Variants in TMED6 observed in about 807,000 individuals in gnomAD.
TMED6 encodes transmembrane emp24 domain-containing protein 6.
Under a neutral mutation model 26.5 loss-of-function variants are expected in TMED6, and 17 were observed. The ratio of observed to expected loss-of-function variants is 0.64; its 90% confidence interval spans 0.44 to 0.96. TMED6 has a LOEUF of 0.96. TMED6 is among the 40% of genes least tolerant of loss of function. The pLI, the probability that TMED6 is intolerant of heterozygous loss-of-function variation, is 0.00. For missense variants in TMED6, 309 were observed against 296.5 expected, an observed-to-expected ratio of 1.04 and a Z score of -0.31; for synonymous variants, 107 against 106.2, an observed-to-expected ratio of 1.01 and a Z score of -0.04.
intron 3 of TMED6, 113 bp downstream of exon 3, chr16:69,347,675 A>T (rs1403904209): frequency 1.4e-6 from 2 of 1,453,060 alleles, no homozygotes; most frequent in Non-Finnish European, 9.4e-7. Context: ...ATAATTTATG[A>T]AGAAATTCAC....
At chr16:69,345,897 G>C (rs2012678758) in intron 3 of TMED6, among the ~76,000 whole-genome samples, 1 of 152,008 alleles carries the variant, frequency 6.6e-6, no homozygotes, top group South Asian at 2.1e-4. Context: ...TCCCAGGCTA[G>C]TCTCAAACTC....
At chr16:69,344,755 A>G (rs766037885) in intron 3 of TMED6, among the ~76,000 whole-genome samples, 1 of 149,182 alleles carries the variant, frequency 6.7e-6, no homozygotes, top group Non-Finnish European at 1.5e-5. Context: ...CCTGGCCGAC[A>G]GCACAAGACT....
intron 3 of TMED6, among the ~76,000 whole-genome samples, chr16:69,344,775 CAAAAAAAA>C (rs762254282): frequency 2.4e-5 from 3 of 123,062 alleles, no homozygotes; most frequent in East Asian, 5.0e-4. Context: ...TTTGTCTCAA[CAAAAAAAA>C]AAGAAAAAAA....
rs371566225 is a variant in TMED6, at chr16:69,343,588, T to G, written c.542A>C (p.Asn181Thr). Residue 181 changes from asparagine (N) to threonine (T), a missense_variant, in exon 4 of 4, where the codon AAC becomes ACC. Asn to Thr is a moderately conservative substitution (Grantham distance 65, BLOSUM62 0). Coordinates refer to ENST00000288025, the MANE Select transcript of TMED6 (RefSeq NM_144676.4). ...AGCCATTTTCCTCATCCGGGCAAAG[T>G]TGTAGTATCGCCACATGTGAAAGAT... is the stretch of plus-strand genomic sequence containing the variant. ...NNIFHMWRYYNFARMRKMADF... is the reference protein window; with the variant it reads ...NNIFHMWRYYTFARMRKMADF... 1.9e-6 allele frequency: 3 copies of G among 1,614,182 alleles called. No individual in the cohort carries two copies. Among genetic ancestry groups the G allele is most frequent in the Non-Finnish European group, 1.7e-6 (2 of 1,180,044 alleles).
chr16:69,351,388 A>G (rs1404975479), intron 1 of TMED6, among the ~76,000 whole-genome samples, 153 bp downstream of exon 1: 1 of 151,998 alleles, frequency 6.6e-6, no homozygotes, highest in Admixed American at 6.6e-5. Flanking sequence ...ACCCAGCTGG[A>G]GTTTCCCTCT....
chr16:69,346,968 G>A (rs1290136183), intron 3 of TMED6, among the ~76,000 whole-genome samples: 2 of 152,104 alleles, frequency 1.3e-5, no homozygotes, highest in Non-Finnish European at 2.9e-5. Flanking sequence ...AGCGCAGGAG[G>A]TTGAGGCTGC....
chr16:69,345,723 A>C (rs958546044), intron 3 of TMED6, among the ~76,000 whole-genome samples: 14 of 145,962 alleles, frequency 9.6e-5, no homozygotes, highest in Non-Finnish European at 1.7e-4. Context: ...TGGGCAAAGG[A>C]TTTTCATTTT....
chr16:69,346,215 T>C (rs902902629), intron 3 of TMED6, among the ~76,000 whole-genome samples: 4 of 152,218 alleles, frequency 2.6e-5, no homozygotes, highest in African/African-American at 9.7e-5. Flanking sequence ...GCCACTGTGG[T>C]AAACAGTCTC....
In TMED6 at chr16:69,351,740, A is replaced by G. The variant is rs1353688282; in HGVS notation, c.14T>C (p.Leu5Pro). 3 of 1,612,864 alleles carry G rather than the reference A, an allele frequency of 1.9e-6. No homozygotes were observed. Among genetic ancestry groups the G allele is most frequent in the Non-Finnish European group, 2.5e-6 (3 of 1,179,888 alleles). The stretch of plus-strand genomic sequence containing the variant: ...CAGAACGACCAGCCCAGCCCCAAAG[A>G]GCAAAGGGGACATGCCGCTTTCTGG... MSPL[L>P]FGAGLVVLNL... The change falls in exon 1 of 4, where the codon CTC becomes CCC. Residue 5 changes from leucine (L) to proline (P), a missense_variant. Coordinates refer to ENST00000288025, the MANE Select transcript of TMED6 (RefSeq NM_144676.4).
chr16:69,350,023 G>A lies in TMED6; in HGVS notation c.214-372C>T, dbSNP rs191778668. On this transcript the variant is annotated intron_variant, in intron 1 of 3. Transcript: ENST00000288025. ...GCGGTGGCTCACGCCTGTAATCCCA[G>A]CACTTTGGGAGGCCGAGGTGGGCAG... Among the ~76,000 whole-genome samples, 398 of 152,262 alleles carry A rather than the reference G, an allele frequency of 2.6e-3. 1 individual carries two copies. The highest frequency in any genetic ancestry group is 8.9e-3 in the African/African-American group (370 of 41,572).
At chr16:69,347,701 T>C (rs896112358) in intron 3 of TMED6, 87 bp downstream of exon 3, 3 of 1,553,304 alleles carry the variant, frequency 1.9e-6, no homozygotes, top group Non-Finnish European at 2.6e-6. Context: ...CTTGCCTGTT[T>C]GGTTTCTACC....
Position 69,349,623 on chromosome 16 carries a change from T to C in TMED6, c.242A>G (p.Asp81Gly), listed in dbSNP as rs2012744406. ...ATGTGCCGTGGCAGCAACATGCCGG[T>C]CATGTGACATCCCCACTGTCCGCTG... ...EVQRTVGMSHDRHVAATAHNP... is the reference protein window; with the variant it reads ...EVQRTVGMSHGRHVAATAHNP... Residue 81 changes from aspartate to glycine, a missense_variant, in exon 2 of 4, where the codon GAC (aspartate) becomes GGC (glycine). By Grantham distance (94) the Asp-to-Gly change is moderately conservative (BLOSUM62 -1). Transcript: ENST00000288025. 9.3e-6 allele frequency: 15 copies of C among 1,613,626 alleles called. No homozygotes were observed. Among genetic ancestry groups the C allele is most frequent in the South Asian group, 2.2e-5 (2 of 91,072 alleles).
At chr16:69,350,267 G>A (rs1327737286) in intron 1 of TMED6, among the ~76,000 whole-genome samples, 6 of 130,268 alleles carry the variant, frequency 4.6e-5, no homozygotes, top group Non-Finnish European at 8.0e-5. Flanking sequence ...GCAACACTCT[G>A]TCAAAAAAAA....
chr16:69,347,690 C>T, intron 3 of TMED6, 98 bp downstream of exon 3: 3 of 1,511,934 alleles, frequency 2.0e-6, no homozygotes, highest in South Asian at 2.4e-5. Context: ...ATTCACATCC[C>T]CTTGCCTGTT....
intron 3 of TMED6, among the ~76,000 whole-genome samples, chr16:69,347,283 A>G (rs1171436434): frequency 6.6e-6 from 1 of 152,334 alleles, no homozygotes; most frequent in South Asian, 2.1e-4. Flanking sequence ...AAAACAGGCA[A>G]TGGGCCAGAT....
In TMED6 at chr16:69,347,896, G is replaced by A. The variant is rs532781031; in HGVS notation, c.381C>T (p.Phe127=). 9.0e-5 allele frequency: 145 copies of A among 1,614,122 alleles called. 1 individual carries two copies. The South Asian group carries it at 1.3e-3, about 15-fold the overall frequency. ...QLCLSNQHNH[F]GSVQVYLNFG... Reference sequence around the variant, plus strand: ...AGTTGAGGTACACTTGCACAGAACCGAAGTGATTATGCTGATTACTTAGAC... The same window carrying A: ...AGTTGAGGTACACTTGCACAGAACCAAAGTGATTATGCTGATTACTTAGAC... Residue 127 remains phenylalanine, a synonymous_variant, in exon 3 of 4, where the codon TTC becomes TTT. Transcript: ENST00000288025.
Position 69,343,344 on chromosome 16 carries a change from A to G in TMED6, c.*63T>C, listed in dbSNP as rs1243957978. ...AGATAATTGATTTTTGTCCCATAAC[A>G]TTACAAAGCTGATTCGACTAAGCCC... is the stretch of plus-strand genomic sequence containing the variant. On this transcript the variant is annotated 3_prime_UTR_variant, in exon 4 of 4. Transcript: ENST00000288025. 5 of 1,424,430 alleles carry G rather than the reference A, an allele frequency of 3.5e-6. No individual in the cohort carries two copies. The East Asian group carries it at 7.2e-5, about 21-fold the overall frequency. 88.2% of individuals were successfully genotyped at this position (1,424,430 alleles called of 1,614,324 possible). A position where few individuals can be genotyped will look rare whatever the true frequency, so the allele number is the denominator to read the frequency against.
chr16:69,344,495 G>A (rs1053819185), intron 3 of TMED6, among the ~76,000 whole-genome samples: 4 of 152,146 alleles, frequency 2.6e-5, no homozygotes, highest in East Asian at 3.9e-4. Context: ...AAAAGTGGCC[G>A]GGTGCAGTGG....
intron 3 of TMED6, among the ~76,000 whole-genome samples, chr16:69,345,718 A>G (rs2012675652): frequency 6.6e-6 from 1 of 151,154 alleles, no homozygotes; most frequent in South Asian, 2.1e-4. Context: ...TAAAATGGGC[A>G]AAGGATTTTC....
Sources: gnomAD v4.1 joint callset for allele counts (sites outside exome capture counted in the v4.1 genomes callset) on GRCh38, gnomAD v4.1.1 for gene constraint, MANE v1.5 for transcripts, NCBI Gene and HGNC (gene_info 2026-07-23, HGNC 2026-07-21) for gene names.